The following PLCL1 variants were observed in gnomAD, a reference collection of about 807,000 sequenced individuals.
PLCL1 encodes the protein phospholipase C like 1 (inactive), also known as inactive phospholipase C-like protein 1.
A neutral mutation model predicts 84.4 loss-of-function variants in PLCL1; 41 were observed. The ratio of observed to expected loss-of-function variants is 0.49; its 90% confidence interval spans 0.38 to 0.63. The LOEUF (loss-of-function observed/expected upper bound fraction) is 0.63, where lower values mean the gene tolerates loss of function less well. Ranked by LOEUF, PLCL1 falls within the 30% of genes least tolerant of loss-of-function variation. The pLI is 0.00. For synonymous variants in PLCL1, 490 were observed against 488.3 expected, an observed-to-expected ratio of 1.00 and a Z score of -0.05; for missense variants, 1,206 against 1,367.8, an observed-to-expected ratio of 0.88 and a Z score of 1.87.
chr2:198,116,135 CT>C (rs1693743615), intron 5 of PLCL1, among the ~76,000 whole-genome samples: 1 of 151,026 alleles, frequency 6.6e-6, no homozygotes, highest in Non-Finnish European at 1.5e-5. Flanking sequence ...TTAGATGCTA[CT>C]TTTTTAAAGT....
intron 1 of PLCL1, among the ~76,000 whole-genome samples, chr2:197,978,675 A>C (rs1433217260): frequency 6.6e-6 from 1 of 152,238 alleles, no homozygotes; most frequent in Non-Finnish European, 1.5e-5. Context: ...ACTTCTTCCA[A>C]ATCAGAGTTG....
chr2:198,064,407 A>G (rs1205362969), intron 1 of PLCL1, among the ~76,000 whole-genome samples: 2 of 152,116 alleles, frequency 1.3e-5, no homozygotes, highest in East Asian at 3.9e-4. Context: ...CTTCATTTCT[A>G]TCCTGTCTTA....
intron 1 of PLCL1, among the ~76,000 whole-genome samples, chr2:197,995,901 A>T (rs1690452011): frequency 6.6e-6 from 1 of 152,316 alleles, no homozygotes; most frequent in African/African-American, 2.4e-5. Flanking sequence ...TGGTCATCTT[A>T]TGAGAGTTGA....
chr2:197,998,561 G>A (rs1690524182), intron 1 of PLCL1, among the ~76,000 whole-genome samples: 1 of 152,176 alleles, frequency 6.6e-6, no homozygotes, highest in Non-Finnish European at 1.5e-5. Flanking sequence ...CATCATGGGG[G>A]CCTCCTGTTT....
chr2:197,945,065 A>T (rs190588975), intron 1 of PLCL1, among the ~76,000 whole-genome samples: 1 of 152,358 alleles, frequency 6.6e-6, no homozygotes, highest in East Asian at 1.9e-4. Context: ...CTTATTGTTC[A>T]GAGTGTTTTA....
At chr2:197,818,194 G>C (rs1004452546) in intron 1 of PLCL1, among the ~76,000 whole-genome samples, 1 of 152,118 alleles carries the variant, frequency 6.6e-6, no homozygotes, top group African/African-American at 2.4e-5. Flanking sequence ...AATCATTGTA[G>C]AAGTTGGTGT....
intron 1 of PLCL1, among the ~76,000 whole-genome samples, chr2:198,078,532 A>T (rs545721347): frequency 1.3e-5 from 2 of 152,286 alleles, no homozygotes; most frequent in South Asian, 4.1e-4. Context: ...AATTTTTATT[A>T]ATAATTTCTT....
chr2:198,005,481 TC>T (rs1690706767), intron 1 of PLCL1, among the ~76,000 whole-genome samples: 1 of 152,250 alleles, frequency 6.6e-6, no homozygotes, highest in African/African-American at 2.4e-5. Context: ...AGTCTTTCTT[TC>T]ACACTTCAGT....
intron 1 of PLCL1, among the ~76,000 whole-genome samples, chr2:198,034,513 G>A (rs1691507481): frequency 6.6e-6 from 1 of 152,142 alleles, no homozygotes; most frequent in Non-Finnish European, 1.5e-5. Flanking sequence ...AAGGAAATGT[G>A]GCACATATAC....
chr2:197,998,597 T>C (rs1160443919), intron 1 of PLCL1, among the ~76,000 whole-genome samples: 1 of 152,238 alleles, frequency 6.6e-6, no homozygotes, highest in East Asian at 1.9e-4. Flanking sequence ...AAATTAGGAC[T>C]GATGACGCTG....
intron 1 of PLCL1, among the ~76,000 whole-genome samples, chr2:197,994,341 G>A (rs1490660350): frequency 6.6e-6 from 1 of 152,186 alleles, no homozygotes; most frequent in East Asian, 1.9e-4. Context: ...AACTTTAGCA[G>A]AAACTGGGGC....
At chr2:197,864,915 A>G (rs1194689924) in intron 1 of PLCL1, among the ~76,000 whole-genome samples, 3 of 152,336 alleles carry the variant, frequency 2.0e-5, no homozygotes, top group South Asian at 2.1e-4. Context: ...TTTCCAAATG[A>G]CTTGAATGCT....
intron 5 of PLCL1, among the ~76,000 whole-genome samples, chr2:198,121,613 T>C (rs758346414): frequency 2.0e-5 from 3 of 152,094 alleles, no homozygotes; most frequent in Non-Finnish European, 2.9e-5. Flanking sequence ...ATGAGTTTAC[T>C]GTAGGTGTGT....
intron 1 of PLCL1, among the ~76,000 whole-genome samples, chr2:197,967,135 C>T (rs544816833): frequency 1.3e-5 from 2 of 152,190 alleles, no homozygotes; most frequent in Non-Finnish European, 2.9e-5. Context: ...AGAACTTGCT[C>T]CTGCAACCTT....
At position 198,097,172 on chromosome 2, in the gene PLCL1, C is replaced by T. The variant is rs910300395; in HGVS notation, c.2920-4113C>T. 3.3e-5 allele frequency among the ~76,000 whole-genome samples: 5 copies of T among 152,090 alleles called. No homozygotes were observed. The East Asian group carries it at 7.7e-4, about 24-fold the overall frequency. On this transcript the variant is annotated intron_variant, in intron 3 of 5. Coordinates refer to ENST00000428675, the MANE Select transcript of PLCL1 (RefSeq NM_006226.4). ...TGCTGGCATGTGCCCAAACAGAGCT[C>T]GGTGTTTAAAAACAAGATGCTGTAT...
intron 5 of PLCL1, among the ~76,000 whole-genome samples, chr2:198,107,161 G>T (rs1693495095): frequency 6.6e-6 from 1 of 151,936 alleles, no homozygotes; most frequent in Non-Finnish European, 1.5e-5. Flanking sequence ...TATGGCAGCA[G>T]CAAGGAGAAG....
At chr2:197,853,519 C>G (rs2105684876) in intron 1 of PLCL1, among the ~76,000 whole-genome samples, 1 of 152,286 alleles carries the variant, frequency 6.6e-6, no homozygotes, top group South Asian at 2.1e-4. Flanking sequence ...AATAATCATC[C>G]TTAACTGGAA....
Position 198,085,956 on chromosome 2 carries a change from G to T in PLCL1, c.2439G>T (p.Thr813=). 6.2e-7 allele frequency: 1 copy of T among 1,614,068 alleles called. No individual in the cohort carries two copies. The highest frequency in any genetic ancestry group is 8.5e-7 in the Non-Finnish European group (1 of 1,179,996). ...YIGDEFIGQY[T]IPFECLQPGY... is the part of the protein sequence containing the mutation. ...GGGATGAGTTTATAGGGCAATATAC[G>T]ATACCATTTGAATGTTTGCAGCCTG... The change falls in exon 2 of 6, where the codon ACG becomes ACT. Residue 813 remains threonine, a synonymous_variant. Coordinates refer to ENST00000428675, the MANE Select transcript of PLCL1 (RefSeq NM_006226.4). This position sits in a 1 kb window ranked among gnomAD's most constrained non-coding sequence, Gnocchi z 5.3.
At chr2:198,115,623 T>C (rs1322514999) in intron 5 of PLCL1, among the ~76,000 whole-genome samples, 2 of 151,908 alleles carry the variant, frequency 1.3e-5, no homozygotes, top group Non-Finnish European at 2.9e-5. Context: ...AGAGGTTTAA[T>C]GGACTCACAG....
Sources: gnomAD v4.1 joint callset for allele counts (sites outside exome capture counted in the v4.1 genomes callset) on GRCh38, gnomAD v4.1.1 for gene constraint, Gnocchi (gnomAD v3.1) non-coding constraint, MANE v1.5 for transcripts, NCBI Gene and HGNC (gene_info 2026-07-23, HGNC 2026-07-21) for gene names.